ZDHHC15: variants seen among roughly 807,000 people sequenced by gnomAD.
The protein encoded by ZDHHC15 is palmitoyltransferase ZDHHC15.
ZDHHC15 carries 19 observed loss-of-function variants against 31.7 expected under a neutral mutation model. That is an observed-to-expected ratio of 0.60 (90% confidence interval 0.42 to 0.88). The LOEUF is 0.88. Ranked by LOEUF, ZDHHC15 falls within the 40% of genes least tolerant of loss-of-function variation. ZDHHC15 has a pLI of 0.00. For missense variants in ZDHHC15, 209 were observed against 251.2 expected, an observed-to-expected ratio of 0.83 and a Z score of 1.14; for synonymous variants, 103 against 90.0, an observed-to-expected ratio of 1.14 and a Z score of -0.82.
rs750981952 is a variant in ZDHHC15, at chrX:75,501,072, T to C, written c.163+4749A>G. Among the ~76,000 whole-genome samples the C allele has an allele frequency of 3.5e-4, 39 of 110,836 alleles. No individual in the cohort carries two copies. The Admixed American group carries it at 3.7e-3, about 11-fold the overall frequency. On this transcript the variant is annotated intron_variant, in intron 2 of 11. Coordinates refer to ENST00000373367, the MANE Select transcript of ZDHHC15 (RefSeq NM_144969.3). ...AGATTACTTCGTCACCTAGGTATTATTAATCTTAGTACCCAATTGTTATTT... is the reference window on the plus strand; with the variant it reads ...AGATTACTTCGTCACCTAGGTATTACTAATCTTAGTACCCAATTGTTATTT...
intron 10 of ZDHHC15, among the ~76,000 whole-genome samples, chrX:75,409,820 AC>A (rs200984984): frequency 0.02 from 1,449 of 71,126 alleles, 268 homozygotes; most frequent in African/African-American, 0.024. Flanking sequence ...AAAAAAAAAA[AC>A]AACAACAACA....
chrX:75,399,617 C>T (rs780013675), intron 10 of ZDHHC15, among the ~76,000 whole-genome samples: 8 of 111,793 alleles, frequency 7.2e-5, no homozygotes, highest in Non-Finnish European at 1.3e-4. Context: ...TGCCTCTACG[C>T]TGGGGAAGGA....
intron 2 of ZDHHC15, among the ~76,000 whole-genome samples, chrX:75,505,341 T>A (rs1275886515): frequency 9.0e-6 from 1 of 111,518 alleles, no homozygotes; most frequent in African/African-American, 3.3e-5. Context: ...AATGCCACAA[T>A]CTCTTTAGAA....
chrX:75,391,085 G>A (rs1030207419), intron 10 of ZDHHC15, among the ~76,000 whole-genome samples: 4 of 111,722 alleles, frequency 3.6e-5, no homozygotes, highest in African/African-American at 6.5e-5. Flanking sequence ...GAATACTGAC[G>A]AATGCAAAAC....
intron 3 of ZDHHC15, among the ~76,000 whole-genome samples, chrX:75,460,384 C>A (rs571847629): frequency 9.0e-6 from 1 of 110,989 alleles, no homozygotes; most frequent in Admixed American, 9.6e-5. Flanking sequence ...TCCAAATTTT[C>A]TGGACAAGGA....
intron 10 of ZDHHC15, among the ~76,000 whole-genome samples, chrX:75,391,219 A>T (rs938454306): frequency 6.3e-5 from 7 of 111,995 alleles, no homozygotes; most frequent in African/African-American, 1.9e-4. Flanking sequence ...CACTCACAAG[A>T]TCTAGAAAAT....
chrX:75,373,770 T>C (rs2083024915), intron 11 of ZDHHC15, among the ~76,000 whole-genome samples: 1 of 111,057 alleles, frequency 9.0e-6, no homozygotes, highest in Non-Finnish European at 1.9e-5. Flanking sequence ...CATCACATTT[T>C]GGTAAATGAG....
At chrX:75,411,290 GCTCTGCTTCTGGGGTTCACGCCACT>G (rs1283078121) in intron 10 of ZDHHC15, among the ~76,000 whole-genome samples, 1 of 110,395 alleles carries the variant, frequency 9.1e-6, no homozygotes, top group Non-Finnish European at 1.9e-5. Flanking sequence ...CTCACTGCAA[GCTCTGCTTCTGGGGTTCACGCCACT>G]CTCCTGCCTG....
intron 10 of ZDHHC15, among the ~76,000 whole-genome samples, chrX:75,407,911 C>T (rs2083438228): frequency 9.0e-6 from 1 of 111,284 alleles, no homozygotes; most frequent in South Asian, 3.8e-4. Context: ...TAACCTTACC[C>T]CCAACCCCGT....
intron 2 of ZDHHC15, among the ~76,000 whole-genome samples, chrX:75,490,698 G>T (rs1398386633): frequency 9.0e-6 from 1 of 110,900 alleles, no homozygotes; most frequent in Non-Finnish European, 1.9e-5. Flanking sequence ...CCTTGAAGAG[G>T]TCTTTCACGT....
At chrX:75,448,502 T>A (rs754900002) in intron 4 of ZDHHC15, among the ~76,000 whole-genome samples, 99 of 112,340 alleles carry the variant, frequency 8.8e-4, no homozygotes, top group African/African-American at 3.1e-3. Flanking sequence ...CCTTATCATG[T>A]AACATAAGGT....
At position 75,429,120 on chromosome X, in the gene ZDHHC15, G is replaced by A; in HGVS notation, c.561C>T (p.Tyr187=). 1 of 1,207,547 alleles carries A rather than the reference G, an allele frequency of 8.3e-7. No homozygotes were observed. The highest frequency in any genetic ancestry group is 1.1e-6 in the Non-Finnish European group (1 of 893,705). The change falls in exon 7 of 12, where the codon TAC becomes TAT. Residue 187 remains tyrosine, a synonymous_variant. Transcript: ENST00000373367. ...AATAGCTGAAGACTGTCGTAGCAAT[G>A]TACAGGCAGTAGAGAACAGAGTAAG... is the stretch of plus-strand genomic sequence containing the variant. The part of the protein sequence containing the change: ...FLAYSVLYCL[Y]IATTVFSYFI...
intron 3 of ZDHHC15, among the ~76,000 whole-genome samples, chrX:75,452,668 G>A (rs2084143755): frequency 8.9e-6 from 1 of 111,878 alleles, no homozygotes; most frequent in African/African-American, 3.2e-5. Flanking sequence ...TAAAAGAACA[G>A]AAATCATAAC....
intron 10 of ZDHHC15, among the ~76,000 whole-genome samples, chrX:75,403,179 A>G (rs974968893): frequency 8.9e-6 from 1 of 112,203 alleles, no homozygotes; most frequent in Non-Finnish European, 1.9e-5. Flanking sequence ...CTTTTAATAA[A>G]ATTCAACATC....
chrX:75,497,089 C>T (rs1310570383), intron 2 of ZDHHC15, among the ~76,000 whole-genome samples: 3 of 111,174 alleles, frequency 2.7e-5, no homozygotes, highest in Non-Finnish European at 3.8e-5. Flanking sequence ...AGACCATTAG[C>T]GAGATTAACC....
intron 10 of ZDHHC15, among the ~76,000 whole-genome samples, chrX:75,397,129 C>A (rs1366227480): frequency 9.1e-6 from 1 of 110,215 alleles, no homozygotes; most frequent in Non-Finnish European, 1.9e-5. Context: ...GAGCTCGAGA[C>A]CAGCCTGGCC....
rs374959442 is a variant in ZDHHC15, at chrX:75,486,461, T to C, written c.164-7476A>G. 5.4e-5 allele frequency among the ~76,000 whole-genome samples: 6 copies of C among 111,917 alleles called. No individual in the cohort carries two copies. In the South Asian group the frequency reaches 2.2e-3, roughly 42 times the overall value. ...TAAATTTTCATGAGCAGAAACCTGG[T>C]AGGGGGAAGTGATCAGAAAGCTCAG... On this transcript the variant is annotated intron_variant, in intron 2 of 11. Coordinates refer to ENST00000373367, the MANE Select transcript of ZDHHC15 (RefSeq NM_144969.3).
intron 11 of ZDHHC15, among the ~76,000 whole-genome samples, chrX:75,376,296 TG>T (rs1178033266): frequency 9.2e-6 from 1 of 108,585 alleles, no homozygotes; most frequent in Non-Finnish European, 1.9e-5. Context: ...CTATAGATTC[TG>T]GATATTAAAC....
At chrX:75,394,307 A>C (rs1409123859) in intron 10 of ZDHHC15, among the ~76,000 whole-genome samples, 2 of 111,719 alleles carry the variant, frequency 1.8e-5, no homozygotes, top group East Asian at 5.6e-4. Flanking sequence ...AAAACAAAAC[A>C]AAACAAAAAC....
Sources: allele counts gnomAD v4.1 joint callset (sites outside exome capture counted in the v4.1 genomes callset), GRCh38; gene constraint gnomAD v4.1.1; transcripts MANE v1.5; gene names NCBI Gene and HGNC (gene_info 2026-07-23, HGNC 2026-07-21).